PDHX: variants seen among roughly 807,000 people sequenced by gnomAD.
PDHX encodes the protein pyruvate dehydrogenase complex component X, also known as pyruvate dehydrogenase protein X component, mitochondrial.
Under a neutral mutation model 55.3 loss-of-function variants are expected in PDHX, and 33 were observed. The observed-to-expected ratio is 0.60, with a 90% CI of 0.45 to 0.80. The LOEUF (loss-of-function observed/expected upper bound fraction) is 0.80, where lower values mean the gene tolerates loss of function less well. Ranked by LOEUF, PDHX falls within the 30% of genes least tolerant of loss-of-function variation. PDHX has a pLI of 0.00. For missense variants in PDHX, 622 were observed against 619.9 expected, an observed-to-expected ratio of 1.00 and a Z score of -0.04; for synonymous variants, 226 against 219.4, an observed-to-expected ratio of 1.03 and a Z score of -0.27.
intron 4 of PDHX, 151 bp from the exon 5 acceptor site, chr11:34,960,269 C>T: frequency 1.7e-6 from 1 of 579,234 alleles, no homozygotes; most frequent in Non-Finnish European, 3.1e-6. Flanking sequence ...CAAATTGGTA[C>T]AGATTATTTG....
At chr11:34,951,166 C>T (rs1854758497) in intron 3 of PDHX, among the ~76,000 whole-genome samples, 1 of 149,930 alleles carries the variant, frequency 6.7e-6, no homozygotes, top group Non-Finnish European at 1.5e-5. Flanking sequence ...ACGCCATTCT[C>T]CTGCCTCAGC....
intron 9 of PDHX, among the ~76,000 whole-genome samples, chr11:34,987,216 C>T (rs943096500): frequency 5.3e-5 from 8 of 152,014 alleles, no homozygotes; most frequent in South Asian, 2.1e-4. Context: ...CTTTTTCTCC[C>T]GCAAAGTTAC....
chr11:34,949,519 G>A (rs890310608), intron 3 of PDHX, among the ~76,000 whole-genome samples: 1 of 152,148 alleles, frequency 6.6e-6, no homozygotes, highest in Non-Finnish European at 1.5e-5. Context: ...TTATAGGCGT[G>A]AACCACCATG....
At chr11:34,922,586 A>T (rs1473063350) in intron 1 of PDHX, among the ~76,000 whole-genome samples, 1 of 152,270 alleles carries the variant, frequency 6.6e-6, no homozygotes, top group East Asian at 1.9e-4. Context: ...ATCCTAAATG[A>T]ACATTTTTGC....
At chr11:34,931,867 A>G (rs1854183780) in intron 2 of PDHX, among the ~76,000 whole-genome samples, 1 of 150,434 alleles carries the variant, frequency 6.6e-6, no homozygotes, top group Admixed American at 6.7e-5. Flanking sequence ...GAGGTAGGCA[A>G]GTTCATCATA....
At chr11:34,945,410 A>G (rs1854598702) in intron 2 of PDHX, among the ~76,000 whole-genome samples, 1 of 152,166 alleles carries the variant, frequency 6.6e-6, no homozygotes, top group South Asian at 2.1e-4. Context: ...GAGCTTTTTA[A>G]AGAGATCTTT....
intron 3 of PDHX, among the ~76,000 whole-genome samples, chr11:34,950,300 T>A (rs1034589343): frequency 3.3e-5 from 5 of 151,940 alleles, no homozygotes; most frequent in Non-Finnish European, 7.4e-5. Flanking sequence ...TCAGAGCAGT[T>A]CTATTAAATG....
In PDHX at chr11:34,957,399, A is replaced by G. The variant is rs751534737; in HGVS notation, c.358A>G (p.Lys120Glu). The G allele has an allele frequency of 1.2e-6, 2 of 1,607,034 alleles. No homozygotes were observed. The highest frequency in any genetic ancestry group is 1.7e-6 in the Non-Finnish European group (2 of 1,173,520). ...TTAAATATAGGTTGAAGAAGGAAGT[A>G]AAAATATACGGCTAGGTTCACTAAT... ...LAKIVVEEGSKNIRLGSLIGL... is the reference protein window; with the variant it reads ...LAKIVVEEGSENIRLGSLIGL... Residue 120 changes from lysine (K) to glutamate (E), a missense_variant, in exon 4 of 11, where the codon AAA becomes GAA. Coordinates refer to ENST00000227868, the MANE Select transcript of PDHX (RefSeq NM_003477.3).
intron 10 of PDHX, among the ~76,000 whole-genome samples, chr11:34,992,657 A>G (rs1564935889): frequency 6.6e-6 from 1 of 152,088 alleles, no homozygotes; most frequent in South Asian, 2.1e-4. Flanking sequence ...CCCACCCCCA[A>G]TATTAATGTC....
At chr11:34,972,145 A>C (rs1250415302) in intron 7 of PDHX, among the ~76,000 whole-genome samples, 1 of 150,414 alleles carries the variant, frequency 6.6e-6, no homozygotes, top group Non-Finnish European at 1.5e-5. Context: ...AGTTCTGTTG[A>C]TCTCGATCTC....
chr11:34,983,999 G>T (rs1855584935), intron 8 of PDHX, among the ~76,000 whole-genome samples: 1 of 152,182 alleles, frequency 6.6e-6, no homozygotes, highest in Non-Finnish European at 1.5e-5. Context: ...AAAGCTGGAG[G>T]CATCACGCTA....
chr11:34,927,986 T>C (rs747125045), intron 1 of PDHX, among the ~76,000 whole-genome samples: 1 of 152,136 alleles, frequency 6.6e-6, no homozygotes, highest in African/African-American at 2.4e-5. Flanking sequence ...TTTTAAAATA[T>C]GAAAATTTTT....
In PDHX at chr11:34,966,672, C is replaced by T. The variant is rs148645836; in HGVS notation, c.674C>T (p.Thr225Met). 1,232 of 1,614,000 alleles carry T rather than the reference C, an allele frequency of 7.6e-4. 1 individual carries two copies. Among genetic ancestry groups the T allele is most frequent in the Non-Finnish European group, 9.9e-4 (1,164 of 1,179,986 alleles). Residue 225 changes from threonine to methionine, a missense_variant, in exon 6 of 11, where the codon ACG (threonine) becomes ATG (methionine). Coordinates refer to ENST00000227868, the MANE Select transcript of PDHX (RefSeq NM_003477.3). ...DALKLVQLKQ[T>M]GKITESRPTP... ...CTCAAACTTGTCCAGTTGAAACAAA[C>T]GGGCAAGATTACCGAGTCCAGACCA...
At chr11:34,916,243 C>T (rs756933277), upstream of PDHX, 1 of 1,612,306 alleles carries the variant, frequency 6.2e-7, no homozygotes, top group Non-Finnish European at 8.5e-7. Context: ...CGCCGCATCT[C>T]CGGGAACAAC....
intron 9 of PDHX, among the ~76,000 whole-genome samples, chr11:34,989,616 T>A (rs1307780812): frequency 1.3e-5 from 2 of 152,160 alleles, no homozygotes; most frequent in Admixed American, 6.5e-5. Context: ...AGACATACTA[T>A]CCAGTACACA....
chr11:34,993,952 A>G (rs908062675), intron 10 of PDHX, among the ~76,000 whole-genome samples: 5 of 152,004 alleles, frequency 3.3e-5, no homozygotes, highest in Admixed American at 1.3e-4. Flanking sequence ...GGTCTTGTAT[A>G]TGTTTCATTA....
chr11:34,944,011 T>C (rs1311464607), intron 2 of PDHX, among the ~76,000 whole-genome samples: 1 of 151,044 alleles, frequency 6.6e-6, no homozygotes, highest in Non-Finnish European at 1.5e-5. Context: ...TACTGTCCAC[T>C]GCTGTATCCT....
chr11:34,924,263 A>G (rs955068748), intron 1 of PDHX, among the ~76,000 whole-genome samples: 2 of 152,072 alleles, frequency 1.3e-5, no homozygotes, highest in Non-Finnish European at 2.9e-5. Flanking sequence ...ATTTTTTTAG[A>G]TGGAGCCTTA....
intron 8 of PDHX, 143 bp downstream of exon 8, chr11:34,978,325 C>T (rs1855426179): frequency 1.6e-6 from 1 of 629,570 alleles, no homozygotes; most frequent in Non-Finnish European, 2.9e-6. Context: ...TTTGATCTCC[C>T]TCATTTTACA....
Sources: allele counts gnomAD v4.1 joint callset (sites outside exome capture counted in the v4.1 genomes callset), GRCh38; gene constraint gnomAD v4.1.1; transcripts MANE v1.5; gene names NCBI Gene and HGNC (gene_info 2026-07-23, HGNC 2026-07-21).